RBM26: variants seen among roughly 807,000 people sequenced by gnomAD.
RBM26 encodes RNA binding motif protein 26.
Under a neutral mutation model 123.6 loss-of-function variants are expected in RBM26, and 30 were observed. The observed-to-expected ratio is 0.24, with a 90% CI of 0.18 to 0.33. RBM26 has a LOEUF of 0.33. RBM26 is among the 10% of genes least tolerant of loss of function. The probability of loss-of-function intolerance (pLI) is 1.00; values close to 1 mark genes in which losing one functional copy is unlikely to be tolerated. For synonymous variants in RBM26, 400 were observed against 404.4 expected (o/e 0.99, Z 0.13); for missense variants, 947 against 1,203.6 (o/e 0.79, Z 3.15).
In RBM26 at chr13:79,368,785, G is replaced by A; in HGVS notation, c.840C>T (p.Asp280=). 1.2e-6 allele frequency: 2 copies of A among 1,613,844 alleles called. No homozygotes were observed. Among genetic ancestry groups the A allele is most frequent in the Non-Finnish European group, 8.5e-7 (1 of 1,179,798 alleles). Residue 280 remains aspartate, a synonymous_variant, in exon 6 of 22, where the codon GAC becomes GAT. Coordinates refer to ENST00000438737, the MANE Select transcript of RBM26 (RefSeq NM_001366735.2). ...SWSEFHEDQV[D]HNSYVRPPMP... The stretch of plus-strand genomic sequence containing the variant: ...TGGGTGGTCTTACGTAAGAGTTATG[G>A]TCCACTTGGTCTTCATGAAATTCAG...
At chr13:79,344,817 T>TA (rs755023380) in intron 14 of RBM26, 23 bp from the exon 15 acceptor site, 48 of 1,605,102 alleles carry the variant, frequency 3.0e-5, no homozygotes, top group Non-Finnish European at 3.9e-5. Context: ...ATTCAACTTT[T>TA]AAAAATATAT....
At chr13:79,332,705 C>T (rs906185662) in intron 20 of RBM26, among the ~76,000 whole-genome samples, 5 of 152,102 alleles carry the variant, frequency 3.3e-5, no homozygotes, top group African/African-American at 1.2e-4. Context: ...TCATGTAATT[C>T]AGTGCTAAAG....
chr13:79,349,740 C>T (rs2072934580), intron 14 of RBM26, among the ~76,000 whole-genome samples: 2 of 151,014 alleles, frequency 1.3e-5, no homozygotes, highest in Non-Finnish European at 2.9e-5. Context: ...AGCTCTGCCA[C>T]CCAGGCTGGG....
Position 79,370,973 on chromosome 13 carries a change from A to G in RBM26, c.606T>C (p.Thr202=). The change falls in exon 5 of 22, where the codon ACT becomes ACC. Residue 202 remains threonine (T), a synonymous_variant. Coordinates refer to ENST00000438737, the MANE Select transcript of RBM26 (RefSeq NM_001366735.2). The part of the protein sequence containing the change: ...LRERDRDRSR[T]RSRSRTRSRE... ...TGCTTCGTGTTCTGCTTCTGCTTCT[A>G]GTCCTGCTTCTATCTCTGTCCCTCT... The G allele has an allele frequency of 6.3e-7, 1 of 1,593,724 alleles. No individual in the cohort carries two copies. The highest frequency in any genetic ancestry group is 8.6e-7 in the Non-Finnish European group (1 of 1,161,332).
chr13:79,402,037 A>AC (rs1206061903), intron 1 of RBM26, among the ~76,000 whole-genome samples: 2 of 151,810 alleles, frequency 1.3e-5, no homozygotes, highest in African/African-American at 4.8e-5. Context: ...AAAAAAAAAA[A>AC]ACATGACTTT....
At chr13:79,398,615 G>A (rs2078797369) in intron 1 of RBM26, among the ~76,000 whole-genome samples, 1 of 152,134 alleles carries the variant, frequency 6.6e-6, no homozygotes. Context: ...TTTATGTGCA[G>A]CTCTATGGAG....
chr13:79,369,634 T>G (rs2075677919), intron 5 of RBM26, among the ~76,000 whole-genome samples: 2 of 152,172 alleles, frequency 1.3e-5, no homozygotes, highest in African/African-American at 2.4e-5. Context: ...AAAAAAAGTT[T>G]GAGAAAAGGT....
chr13:79,342,303 G>A (rs969739104), intron 17 of RBM26, among the ~76,000 whole-genome samples: 16 of 151,566 alleles, frequency 1.1e-4, no homozygotes, highest in Admixed American at 2.0e-4. Flanking sequence ...TCAATCCACC[G>A]TGTACGGTGT....
intron 20 of RBM26, among the ~76,000 whole-genome samples, chr13:79,333,299 A>G (rs559389861): frequency 6.6e-6 from 1 of 152,308 alleles, no homozygotes; most frequent in South Asian, 2.1e-4. Context: ...AGGAATTCCT[A>G]TTTTATAAAA....
At chr13:79,341,612 A>G (rs1349112781) in intron 17 of RBM26, among the ~76,000 whole-genome samples, 5 of 151,804 alleles carry the variant, frequency 3.3e-5, no homozygotes, top group African/African-American at 1.2e-4. Flanking sequence ...TATATTTACA[A>G]AAAGAAAAAC....
intron 1 of RBM26, among the ~76,000 whole-genome samples, chr13:79,400,115 T>C (rs1412106905): frequency 6.6e-6 from 1 of 152,180 alleles, no homozygotes; most frequent in Non-Finnish European, 1.5e-5. Flanking sequence ...AGGGAGACAG[T>C]CTTTAATCAG....
chr13:79,358,130 G>C lies in RBM26; in HGVS notation c.1689+144C>G, dbSNP rs540956071. The C allele has an allele frequency of 9.9e-6, 6 of 604,224 alleles. No homozygotes were observed. In the African/African-American group the frequency reaches 1.2e-4, roughly 12 times the overall value. 37.4% of individuals were successfully genotyped at this position (604,224 alleles called of 1,614,324 possible). ...ATTCCTCACCTCAGGTGATCCGCCC[G>C]CCTTGGCCTCCCAAAGTGCTGGGAT... On this transcript the variant is annotated intron_variant, in intron 11 of 21. Transcript: ENST00000438737.
intron 11 of RBM26, 96 bp from the exon 12 acceptor site, chr13:79,355,480 G>T: frequency 1.2e-6 from 1 of 853,550 alleles, no homozygotes; most frequent in Non-Finnish European, 1.8e-6. Flanking sequence ...GTCCTTCCAA[G>T]TAAGATTCTG....
intron 21 of RBM26, 125 bp from the exon 22 acceptor site, chr13:79,320,835 G>C (rs571688740): frequency 9.1e-7 from 1 of 1,097,966 alleles, no homozygotes; most frequent in African/African-American, 1.6e-5. Flanking sequence ...TTTATAGCTA[G>C]AACATTCACA....
chr13:79,315,891 A>G (rs987466894), downstream of RBM26, among the ~76,000 whole-genome samples: 1 of 151,748 alleles, frequency 6.6e-6, no homozygotes, highest in African/African-American at 2.4e-5. Context: ...ATCAGAAAGG[A>G]AAATTTTAAA....
intron 1 of RBM26, among the ~76,000 whole-genome samples, chr13:79,390,738 C>T (rs1013543754): frequency 9.2e-5 from 14 of 152,044 alleles, no homozygotes; most frequent in African/African-American, 3.1e-4. Context: ...ATCTCAATGA[C>T]GGGTATGTCA....
intron 3 of RBM26, among the ~76,000 whole-genome samples, chr13:79,372,692 CAT>C (rs1309075738): frequency 1.4e-5 from 2 of 139,082 alleles, no homozygotes; most frequent in Non-Finnish European, 3.0e-5. Flanking sequence ...CAAACATATA[CAT>C]GTTTATATAT....
intron 10 of RBM26, among the ~76,000 whole-genome samples, 186 bp from the exon 11 acceptor site, chr13:79,358,619 T>G (rs760428887): frequency 6.6e-6 from 1 of 152,226 alleles, no homozygotes; most frequent in African/African-American, 2.4e-5. Flanking sequence ...ACACTGTTAG[T>G]ATCTTTCATG....
At chr13:79,390,314 GA>G (rs999634124) in intron 1 of RBM26, among the ~76,000 whole-genome samples, 31 of 152,248 alleles carry the variant, frequency 2.0e-4, no homozygotes, top group African/African-American at 7.5e-4. Flanking sequence ...CAATAATATG[GA>G]TAAATCTCAG....
Sources: allele counts gnomAD v4.1 joint callset (sites outside exome capture counted in the v4.1 genomes callset), GRCh38; gene constraint gnomAD v4.1.1; transcripts MANE v1.5; gene names NCBI Gene and HGNC (gene_info 2026-07-23, HGNC 2026-07-21).